GAD1: variants seen among roughly 807,000 people sequenced by gnomAD.
The protein encoded by GAD1 is 67 kDa glutamic acid decarboxylase.
Under a neutral mutation model 75.2 loss-of-function variants are expected in GAD1, and 35 were observed. The ratio of observed to expected loss-of-function variants is 0.47; its 90% CI spans 0.36 to 0.62. The LOEUF is 0.62. Ranked by LOEUF, GAD1 falls within the 20% of genes least tolerant of loss-of-function variation. GAD1 has a pLI of 0.00. For synonymous variants in GAD1, 257 were observed against 271.9 expected, an observed-to-expected ratio of 0.95 and a Z score of 0.54; for missense variants, 490 against 758.5, an observed-to-expected ratio of 0.65 and a Z score of 4.16.
chr2:170,840,537 A>G (rs1702486883), intron 6 of GAD1, among the ~76,000 whole-genome samples: 2 of 151,802 alleles, frequency 1.3e-5, no homozygotes, highest in Admixed American at 1.3e-4. Context: ...TCCCATCCTC[A>G]AAGTTGCATT....
chr2:170,818,762 G>A lies in GAD1; in HGVS notation c.82+89G>A. Reference sequence around the variant, plus strand: ...GGAGGCTGAGCTGGCGGAAAGGGAAGGGGGAGCGCGGAGATAATGGAGGCT... The same window carrying A: ...GGAGGCTGAGCTGGCGGAAAGGGAAAGGGGAGCGCGGAGATAATGGAGGCT... On this transcript the variant is annotated intron_variant, in intron 2 of 16. Transcript: ENST00000358196. The surrounding 1 kb of genome is among the most constrained non-coding windows in gnomAD (Gnocchi z 5.9). The A allele has an allele frequency of 8.0e-7, 1 of 1,245,794 alleles. No individual in the cohort carries two copies. Among genetic ancestry groups the A allele is most frequent in the East Asian group, 2.3e-5 (1 of 42,892 alleles). The allele number at this position is 1,245,794 out of a possible 1,614,324, so 77.2% of individuals were successfully genotyped here.
rs751183837 is a variant in GAD1 at position 170,818,654 on chromosome 2, C to T, written c.63C>T (p.Thr21=). The change falls in exon 2 of 17, where the codon ACC becomes ACT. Residue 21 remains threonine, a synonymous_variant. Coordinates refer to ENST00000358196, the MANE Select transcript of GAD1 (RefSeq NM_000817.3). The surrounding 1 kb of genome is among the most constrained non-coding windows in gnomAD (Gnocchi z 5.9). ...TSSNAGADPN[T]TNLRPTTYDT... ...CGAACGCGGGAGCGGACCCCAATAC[C>T]ACTAACCTGCGCCCCACAAGTAGGT... 49 of 1,614,092 alleles carry T rather than the reference C, an allele frequency of 3.0e-5. No homozygotes were observed. In the South Asian group the frequency reaches 5.1e-4, roughly 17 times the overall value.
intron 16 of GAD1, among the ~76,000 whole-genome samples, chr2:170,859,213 G>C (rs1408282949): frequency 6.6e-6 from 1 of 152,192 alleles, no homozygotes; most frequent in African/African-American, 2.4e-5. Context: ...ATTAAACTGT[G>C]TCTGTTACAA....
chr2:170,831,755 A>G (rs944460537), intron 5 of GAD1, among the ~76,000 whole-genome samples: 1 of 145,152 alleles, frequency 6.9e-6, no homozygotes, highest in Non-Finnish European at 1.5e-5. Flanking sequence ...TAAAAATAAT[A>G]TATAAATATT....
At chr2:170,826,931 T>G (rs371669974) in intron 3 of GAD1, among the ~76,000 whole-genome samples, 4 of 152,192 alleles carry the variant, frequency 2.6e-5, no homozygotes, top group African/African-American at 4.8e-5. Context: ...CTCTGGACTT[T>G]GAGGATTTGG....
Position 170,818,328 on chromosome 2 carries a change from C to T in GAD1, c.-63-201C>T, listed in dbSNP as rs112475334. ...GCCCAGGGCTACGCTCCCTGCGCCCCAGTACCGGAGCTAGCGCGCACGTCT... is the reference window on the plus strand; with the variant it reads ...GCCCAGGGCTACGCTCCCTGCGCCCTAGTACCGGAGCTAGCGCGCACGTCT... On this transcript the variant is annotated intron_variant, in intron 1 of 16. Coordinates refer to ENST00000358196, the MANE Select transcript of GAD1 (RefSeq NM_000817.3). This position sits in a 1 kb window ranked among gnomAD's most constrained non-coding sequence, Gnocchi z 5.9. 2 of 552,710 alleles carry T rather than the reference C, an allele frequency of 3.6e-6. No individual in the cohort carries two copies. The highest frequency in any genetic ancestry group is 1.9e-5 in the African/African-American group (1 of 52,888). The allele number at this position is 552,710 out of a possible 1,614,324, so 34.2% of individuals were successfully genotyped here.
chr2:170,828,254 T>C (rs1702085255), intron 3 of GAD1, among the ~76,000 whole-genome samples: 1 of 107,718 alleles, frequency 9.3e-6, no homozygotes, highest in Non-Finnish European at 1.9e-5. Flanking sequence ...CCCTCCTCTC[T>C]CTGCTGTCCT....
At chr2:170,848,792 A>C (rs761516588) in intron 11 of GAD1, 1 of 519,238 alleles carries the variant, frequency 1.9e-6, no homozygotes, top group Non-Finnish European at 3.8e-6. Flanking sequence ...AACATGCATC[A>C]TGGTACCCAC....
At chr2:170,826,624 T>C (rs1282344586) in intron 3 of GAD1, among the ~76,000 whole-genome samples, 2 of 148,694 alleles carry the variant, frequency 1.3e-5, no homozygotes, top group Non-Finnish European at 3.0e-5. Context: ...CATGAGCGCA[T>C]CTCTGGGAGA....
chr2:170,847,892 C>T, intron 11 of GAD1, 100 bp downstream of exon 11: 1 of 799,960 alleles, frequency 1.3e-6, no homozygotes. Context: ...CCAGCCCTCT[C>T]TCCACACCAC....
Position 170,860,177 on chromosome 2 carries a change from G to A in GAD1, c.*295G>A, listed in dbSNP as rs953931972. 6 of 312,568 alleles carry A rather than the reference G, an allele frequency of 1.9e-5. No homozygotes were observed. The highest frequency in any genetic ancestry group is 1.4e-4 in the Admixed American group (3 of 21,826). The allele number at this position is 312,568 out of a possible 1,614,324, so 19.4% of individuals were successfully genotyped here. ...AGTAATAGATCACGGCATGTTTCCC[G>A]CTCCAAGAGAATTCACTTTACCTTC... is the stretch of plus-strand genomic sequence containing the variant. On this transcript the variant is annotated 3_prime_UTR_variant, in exon 17 of 17. Transcript: ENST00000358196.
At chr2:170,826,493 G>A (rs1302123792) in intron 3 of GAD1, among the ~76,000 whole-genome samples, 1 of 151,806 alleles carries the variant, frequency 6.6e-6, no homozygotes, top group Admixed American at 6.6e-5. Context: ...ACTTGAACTT[G>A]GGAGCTGGAG....
chr2:170,856,954 A>G, intron 14 of GAD1, 64 bp from the exon 15 acceptor site: 2 of 1,266,332 alleles, frequency 1.6e-6, no homozygotes, highest in Non-Finnish European at 1.2e-6. Flanking sequence ...GGGACAGCAT[A>G]GCCTTCCCAA....
At chr2:170,814,237 C>T (rs3762561), upstream of GAD1, among the ~76,000 whole-genome samples, 1 of 152,190 alleles carries the variant, frequency 6.6e-6, no homozygotes, top group Non-Finnish European at 1.5e-5. Flanking sequence ...CACCCCCCAA[C>T]TAGGCAAAAC....
chr2:170,855,373 T>C (rs539174850), intron 14 of GAD1, among the ~76,000 whole-genome samples: 2 of 152,016 alleles, frequency 1.3e-5, no homozygotes, highest in South Asian at 4.2e-4. Context: ...CATGCCCATC[T>C]AATTTTATAT....
chr2:170,852,609 T>C, intron 12 of GAD1, 105 bp from the exon 13 acceptor site: 1 of 902,744 alleles, frequency 1.1e-6, no homozygotes, highest in Non-Finnish European at 1.8e-6. Context: ...AGAATAGGCA[T>C]GGATAATATT....
chr2:170,843,988 A>AG, intron 6 of GAD1, 57 bp from the exon 7 acceptor site: 1 of 967,300 alleles, frequency 1.0e-6, no homozygotes, highest in Non-Finnish European at 1.7e-6. Context: ...TGTGTTCCTA[A>AG]AATAAGTGGT....
chr2:170,828,652 CTCTGCTGTCCTCACCCTCCTCCCCT>C (rs1702119302), intron 3 of GAD1, among the ~76,000 whole-genome samples: 2 of 111,076 alleles, frequency 1.8e-5, no homozygotes, highest in Non-Finnish European at 4.2e-5. Context: ...ACCCTCCTCC[CTCTGCTGTCCTCACCCTCCTCCCCT>C]GTTGTCCTCA....
chr2:170,849,614 C>T (rs1559284256), intron 12 of GAD1, among the ~76,000 whole-genome samples: 1 of 152,096 alleles, frequency 6.6e-6, no homozygotes. Context: ...TTTAGGAGGC[C>T]GAGGTGAGAG....
Sources: allele counts gnomAD v4.1 joint callset (sites outside exome capture counted in the v4.1 genomes callset), GRCh38; gene constraint gnomAD v4.1.1; non-coding constraint Gnocchi (gnomAD v3.1); transcripts MANE v1.5; gene names NCBI Gene and HGNC (gene_info 2026-07-23, HGNC 2026-07-21).